The following RAD9B variants were observed in gnomAD, a reference collection of about 807,000 sequenced individuals.
RAD9B encodes RAD9 checkpoint clamp component B, also known as cell cycle checkpoint control protein RAD9B.
In RAD9B, 41 loss-of-function variants were observed where a neutral mutation model predicts 48.3. That is an observed-to-expected ratio of 0.85 (90% CI 0.66 to 1.10). The LOEUF is 1.10. Among genes scored for constraint, RAD9B ranks in the 50% least tolerant of loss-of-function variants. The pLI is 0.00. For missense variants in RAD9B, 444 were observed against 485.1 expected, an observed-to-expected ratio of 0.92 and a Z score of 0.80; for synonymous variants, 160 against 157.9, an observed-to-expected ratio of 1.01 and a Z score of -0.10.
intron 4 of RAD9B, among the ~76,000 whole-genome samples, chr12:110,510,650 T>C (rs950283004): frequency 9.9e-5 from 15 of 152,196 alleles, no homozygotes; most frequent in Non-Finnish European, 2.9e-5. Flanking sequence ...CACAGGGATA[T>C]TGTGAGGATC....
At position 110,531,715 on chromosome 12, in the gene RAD9B, T is replaced by G. The variant is rs1593132135; in HGVS notation, c.*1062T>G. The G allele has an allele frequency of 2.9e-6, 4 of 1,356,974 alleles. No individual in the cohort carries two copies. In the East Asian group the frequency reaches 9.4e-5, roughly 32 times the overall value. 84.1% of individuals were successfully genotyped at this position (1,356,974 alleles called of 1,614,324 possible). ...ACAAATGTCTCTGTTCTTTGGCCCT[T>G]TAAGAGTTAGCTTTTTACCTGCACA... On this transcript the variant is annotated 3_prime_UTR_variant, in exon 11 of 11. Coordinates refer to ENST00000409300, the MANE Select transcript of RAD9B (RefSeq NM_001286535.2).
At position 110,522,246 on chromosome 12, in the gene RAD9B, A is replaced by G. The variant is rs1238484741; in HGVS notation, c.960A>G (p.Lys320=). ...TGQALECISK[K]AAPRRLYPKE... Reference sequence around the variant, plus strand: ...AGGCCCTGGAATGTATTTCAAAAAAAGCAGCACCAAGAAGGCTTTATCCTA... The same window carrying G: ...AGGCCCTGGAATGTATTTCAAAAAAGGCAGCACCAAGAAGGCTTTATCCTA... Residue 320 remains lysine (K), a synonymous_variant, in exon 10 of 11, where the codon AAA becomes AAG. Transcript: ENST00000409300. 2 of 1,611,246 alleles carry G rather than the reference A, an allele frequency of 1.2e-6. No individual in the cohort carries two copies. The highest frequency in any genetic ancestry group is 1.7e-5 in the Admixed American group (1 of 59,578).
rs1323185030 is a variant in RAD9B, at chr12:110,531,194, C to T, written c.*541C>T. On this transcript the variant is annotated 3_prime_UTR_variant, in exon 11 of 11. Coordinates refer to ENST00000409300, the MANE Select transcript of RAD9B (RefSeq NM_001286535.2). ...GATCAAGAGTAAAAATATATAGTCA[C>T]TTTCACTTGGCTTTTTTAGACGGAG... 3.1e-6 allele frequency: 3 copies of T among 983,098 alleles called. No individual in the cohort carries two copies. The highest frequency in any genetic ancestry group is 1.8e-5 in the African/African-American group (1 of 56,708). The allele number at this position is 983,098 out of a possible 1,614,324, so 60.9% of individuals were successfully genotyped here. A position where few individuals can be genotyped will look rare whatever the true frequency, so the allele number is the denominator to read the frequency against.
intron 8 of RAD9B, among the ~76,000 whole-genome samples, chr12:110,519,584 T>C (rs2063712583): frequency 6.6e-6 from 1 of 151,950 alleles, no homozygotes; most frequent in Non-Finnish European, 1.5e-5. Context: ...GCATGCACCA[T>C]CATGCCCGGC....
chr12:110,530,439 G>A, intron 10 of RAD9B, 86 bp from the exon 11 acceptor site: 1 of 1,256,136 alleles, frequency 8.0e-7, no homozygotes, highest in East Asian at 2.3e-5. Flanking sequence ...TACTGGTCAG[G>A]TTTCTGAGGA....
chr12:110,515,016 A>C, intron 5 of RAD9B, 34 bp from the exon 6 acceptor site: 1 of 1,299,666 alleles, frequency 7.7e-7, no homozygotes, highest in East Asian at 2.6e-5. Context: ...TTTGTTTTTC[A>C]AATAATGTTA....
At chr12:110,513,646 G>T (rs965399185) in intron 5 of RAD9B, among the ~76,000 whole-genome samples, 14 of 150,750 alleles carry the variant, frequency 9.3e-5, no homozygotes, top group African/African-American at 3.4e-4. Context: ...AAACATTAAT[G>T]AACATTACTT....
At position 110,522,445 on chromosome 12, in the gene RAD9B, A is replaced by T. The variant is rs372570622; in HGVS notation, c.1125+34A>T. The T allele has an allele frequency of 8.4e-6, 12 of 1,426,522 alleles. 1 individual carries two copies. The highest frequency in any genetic ancestry group is 1.1e-5 in the Non-Finnish European group (11 of 1,028,008). The allele number at this position is 1,426,522 out of a possible 1,614,324, so 88.4% of individuals were successfully genotyped here. On this transcript the variant is annotated intron_variant, in intron 10 of 10. Coordinates refer to ENST00000409300, the MANE Select transcript of RAD9B (RefSeq NM_001286535.2). ...ATTGAGATTCAACCACATCTCAGTCAAGAATTCTCATCTGTCTCCCTTTGC... is the reference window on the plus strand; with the variant it reads ...ATTGAGATTCAACCACATCTCAGTCTAGAATTCTCATCTGTCTCCCTTTGC...
chr12:110,526,100 G>A lies in RAD9B; in HGVS notation c.1125+3689G>A, dbSNP rs544668179. On this transcript the variant is annotated intron_variant, in intron 10 of 10. Transcript: ENST00000409300. ...GATCCACCTGCCTTGGCCTCCCAAA[G>A]TCTGGGATTACAGGCATGAGCCACC... Among the ~76,000 whole-genome samples the A allele has an allele frequency of 3.3e-5, 5 of 152,306 alleles. No homozygotes were observed. The South Asian group carries it at 1.0e-3, about 32-fold the overall frequency.
At chr12:110,503,954 C>G (rs1229138092) in intron 2 of RAD9B, 78 bp downstream of exon 2, 4 of 784,092 alleles carry the variant, frequency 5.1e-6, no homozygotes, top group African/African-American at 3.6e-5. Context: ...TGAATGTTAA[C>G]TAGGAAATCC....
intron 10 of RAD9B, among the ~76,000 whole-genome samples, chr12:110,528,799 C>G (rs1428964060): frequency 6.6e-6 from 1 of 152,182 alleles, no homozygotes; most frequent in Non-Finnish European, 1.5e-5. Context: ...ACAATCTTGG[C>G]TCACTACAAC....
At chr12:110,525,991 C>T (rs12826975) in intron 10 of RAD9B, among the ~76,000 whole-genome samples, 1,547 of 152,164 alleles carry the variant, frequency 0.01, 13 homozygotes, top group Middle Eastern at 0.017. Flanking sequence ...CACCTGGCCA[C>T]GCCCAGCTAA....
At chr12:110,505,097 A>G (rs1233753612) in intron 2 of RAD9B, among the ~76,000 whole-genome samples, 1 of 152,166 alleles carries the variant, frequency 6.6e-6, no homozygotes, top group Non-Finnish European at 1.5e-5. Flanking sequence ...TTTAACACAT[A>G]TATGTATTCA....
At chr12:110,516,596 G>A (rs1038359810) in intron 6 of RAD9B, among the ~76,000 whole-genome samples, 3 of 152,028 alleles carry the variant, frequency 2.0e-5, no homozygotes, top group Non-Finnish European at 2.9e-5. Flanking sequence ...CGGATCATGA[G>A]GTCAGAAGAT....
At chr12:110,502,475 C>G in intron 1 of RAD9B, 92 bp downstream of exon 1, 1 of 1,471,464 alleles carries the variant, frequency 6.8e-7, no homozygotes, top group Non-Finnish European at 9.3e-7. Flanking sequence ...TCCTCTTTGC[C>G]TTTTTGCGCA....
chr12:110,532,340 G>GT lies in RAD9B; in HGVS notation c.*1688dup, dbSNP rs1249582837. 2.0e-5 allele frequency among the ~76,000 whole-genome samples: 3 copies of GT among 152,338 alleles called. No individual in the cohort carries two copies. The East Asian group carries it at 5.8e-4, about 29-fold the overall frequency. On this transcript the variant is annotated 3_prime_UTR_variant, in exon 11 of 11. Coordinates refer to ENST00000409300, the MANE Select transcript of RAD9B (RefSeq NM_001286535.2). ...TAACATTTCTGGTTCATTCATTGAA[G>GT]TAGGCAGAGGGGTTTAGGTCTTAAA...
intron 10 of RAD9B, among the ~76,000 whole-genome samples, chr12:110,528,132 CTGAA>C (rs376715504): frequency 3.4e-4 from 52 of 152,250 alleles, no homozygotes; most frequent in African/African-American, 1.2e-3. Context: ...GGCTGACAGA[CTGAA>C]TGTTGACTGG....
At chr12:110,510,410 C>A (rs1473071837) in intron 4 of RAD9B, among the ~76,000 whole-genome samples, 2 of 152,170 alleles carry the variant, frequency 1.3e-5, no homozygotes, top group African/African-American at 4.8e-5. Flanking sequence ...TTGAATTTCA[C>A]CCGGCCTTAG....
chr12:110,502,376 G>A lies in RAD9B; in HGVS notation c.39G>A (p.Gln13=), dbSNP rs1454459544. The change falls in exon 1 of 11, where the codon CAG becomes CAA. Residue 13 remains glutamine, a synonymous_variant. Transcript: ENST00000409300. ...AMLKCVMSGS[Q]VKVFGKAVQA... The stretch of plus-strand genomic sequence containing the variant: ...TGAAGTGCGTGATGAGCGGCAGTCA[G>A]GTGAAAGGTGGAGCGGCCTTTGTTG... The A allele has an allele frequency of 5.0e-6, 8 of 1,613,804 alleles. No individual in the cohort carries two copies. The highest frequency in any genetic ancestry group is 5.9e-6 in the Non-Finnish European group (7 of 1,179,838).
Sources: allele counts gnomAD v4.1 joint callset (sites outside exome capture counted in the v4.1 genomes callset), GRCh38; gene constraint gnomAD v4.1.1; transcripts MANE v1.5; gene names NCBI Gene and HGNC (gene_info 2026-07-23, HGNC 2026-07-21).